The following NCKAP5 variants were observed in gnomAD, a reference collection of about 807,000 sequenced individuals.
The protein encoded by NCKAP5 is nck-associated protein 5.
A neutral mutation model predicts 167.0 loss-of-function variants in NCKAP5; 92 were observed. That is an observed-to-expected ratio of 0.55 (90% CI 0.47 to 0.66). The LOEUF (loss-of-function observed/expected upper bound fraction) is 0.66. Among genes scored for constraint, NCKAP5 ranks in the 30% least tolerant of loss-of-function variants. NCKAP5 has a pLI of 0.00. For missense variants in NCKAP5, 2,378 were observed against 2,315.0 expected, an observed-to-expected ratio of 1.03 and a Z score of -0.56; for synonymous variants, 891 against 877.4, an observed-to-expected ratio of 1.02 and a Z score of -0.27.
chr2:133,488,885 C>T (rs1681169651), intron 3 of NCKAP5, among the ~76,000 whole-genome samples: 3 of 152,058 alleles, frequency 2.0e-5, no homozygotes, highest in Admixed American at 2.0e-4. Flanking sequence ...CACTGCACTC[C>T]AGTGGGTGAC....
At chr2:133,150,465 G>T (rs1379534158) in intron 5 of NCKAP5, among the ~76,000 whole-genome samples, 1 of 152,142 alleles carries the variant, frequency 6.6e-6, no homozygotes, top group Non-Finnish European at 1.5e-5. Context: ...ATTTCTAACT[G>T]AGTTGGGGCT....
intron 8 of NCKAP5, among the ~76,000 whole-genome samples, chr2:132,916,237 T>C (rs1229652412): frequency 6.6e-6 from 1 of 152,018 alleles, no homozygotes; most frequent in South Asian, 2.1e-4. Context: ...TATTGTGCCT[T>C]GGGTTAAGAA....
chr2:133,516,124 GCC>G (rs1683970855), intron 3 of NCKAP5, among the ~76,000 whole-genome samples: 1 of 152,164 alleles, frequency 6.6e-6, no homozygotes, highest in Non-Finnish European at 1.5e-5. Context: ...TCTGTCCTTA[GCC>G]TAGGCCTAAG....
At chr2:133,148,171 G>C (rs2083266527) in intron 5 of NCKAP5, among the ~76,000 whole-genome samples, 1 of 152,084 alleles carries the variant, frequency 6.6e-6, no homozygotes, top group African/African-American at 2.4e-5. Flanking sequence ...GGAGTTTACA[G>C]AGAAGCCTCA....
chr2:133,526,394 A>C lies in NCKAP5; in HGVS notation c.-61-8807T>G, dbSNP rs557649818. On this transcript the variant is annotated intron_variant, in intron 2 of 19. Transcript: ENST00000409261. ...CCTAAAATGTAAGAGAGGGAGATTT[A>C]TATATTGATTAGTAAAATGCAAGAT... Among the ~76,000 whole-genome samples, 24 of 152,228 alleles carry C rather than the reference A, an allele frequency of 1.6e-4. No individual in the cohort carries two copies. The East Asian group carries it at 4.6e-3, about 29-fold the overall frequency.
At chr2:133,459,703 T>C (rs887768882) in intron 3 of NCKAP5, among the ~76,000 whole-genome samples, 1 of 152,192 alleles carries the variant, frequency 6.6e-6, no homozygotes, top group Non-Finnish European at 1.5e-5. Context: ...TATTGAGGTA[T>C]ACTAATCATT....
intron 3 of NCKAP5, among the ~76,000 whole-genome samples, chr2:133,454,624 C>A (rs1320525919): frequency 6.6e-6 from 1 of 152,024 alleles, no homozygotes; most frequent in Non-Finnish European, 1.5e-5. Context: ...TTTGACATGG[C>A]TGAGATTTTA....
At chr2:133,397,943 G>A (rs1687837157) in intron 3 of NCKAP5, among the ~76,000 whole-genome samples, 1 of 152,144 alleles carries the variant, frequency 6.6e-6, no homozygotes, top group African/African-American at 2.4e-5. Context: ...GTGAGAGATT[G>A]GTTTGGGGAG....
Position 132,808,091 on chromosome 2 carries a change from C to T in NCKAP5, c.808-11362G>A, listed in dbSNP as rs549934461. 1.6e-4 allele frequency among the ~76,000 whole-genome samples: 24 copies of T among 152,102 alleles called. No homozygotes were observed. In the Middle Eastern group the frequency reaches 0.014, roughly 86 times the overall value. ...TTGTGTAGGTTAAACCATCCCTGCA[C>T]TCCTGGTATGAAACCCACTTGATCA... On this transcript the variant is annotated intron_variant, in intron 11 of 19. Transcript: ENST00000409261.
intron 3 of NCKAP5, among the ~76,000 whole-genome samples, chr2:133,510,320 C>T (rs1415153390): frequency 6.6e-6 from 1 of 152,168 alleles, no homozygotes; most frequent in Non-Finnish European, 1.5e-5. Flanking sequence ...CCACCTTGTA[C>T]ATGAACACGC....
chr2:132,700,930 C>G (rs113199166), intron 19 of NCKAP5, among the ~76,000 whole-genome samples: 1,416 of 112,498 alleles, frequency 0.013, 9 homozygotes, highest in African/African-American at 0.034. Context: ...ATCCCCTGGG[C>G]GGGGGGGGGG....
intron 11 of NCKAP5, among the ~76,000 whole-genome samples, chr2:132,850,897 G>A (rs543993775): frequency 2.5e-3 from 387 of 152,148 alleles, no homozygotes; most frequent in Non-Finnish European, 4.2e-3. Context: ...CCTTTCTCCG[G>A]TCACCAGTGA....
chr2:133,607,375 C>T, the NCKAP5 span, among the ~76,000 whole-genome samples: 2 of 152,284 alleles, frequency 1.3e-5, no homozygotes, highest in East Asian at 1.9e-4. Flanking sequence ...GATGGAATAA[C>T]ATTGCATTTC....
chr2:132,927,315 C>G (rs576984136), intron 8 of NCKAP5, among the ~76,000 whole-genome samples: 1 of 151,920 alleles, frequency 6.6e-6, no homozygotes, highest in Non-Finnish European at 1.5e-5. Context: ...TCTAACTTTG[C>G]TCTTTTTGCT....
chr2:133,249,453 C>A (rs369121071), intron 4 of NCKAP5, among the ~76,000 whole-genome samples: 1 of 152,178 alleles, frequency 6.6e-6, no homozygotes, highest in South Asian at 2.1e-4. Context: ...GATTTTAGCA[C>A]TTTTGACCCC....
chr2:132,674,529 C>T (rs192395544), intron 19 of NCKAP5, among the ~76,000 whole-genome samples: 74 of 152,296 alleles, frequency 4.9e-4, no homozygotes, highest in Non-Finnish European at 5.0e-4. Flanking sequence ...CTTGCCAAAC[C>T]GTCTCTAACA....
chr2:133,409,380 C>A (rs1367278162), intron 3 of NCKAP5, among the ~76,000 whole-genome samples: 1 of 152,174 alleles, frequency 6.6e-6, no homozygotes, highest in East Asian at 1.9e-4. Flanking sequence ...CAGGATTGTA[C>A]CCTTTTTGTA....
chr2:133,594,114 G>A, the NCKAP5 span, among the ~76,000 whole-genome samples: 1 of 152,214 alleles, frequency 6.6e-6, no homozygotes, highest in East Asian at 1.9e-4. Context: ...CCATCACTTT[G>A]TGTGGAGCCC....
chr2:133,322,163 A>C (rs536140558), intron 3 of NCKAP5, among the ~76,000 whole-genome samples: 3 of 152,318 alleles, frequency 2.0e-5, no homozygotes, highest in Admixed American at 6.5e-5. Flanking sequence ...GATTTTATTA[A>C]TAGGCATAGT....
Sources: gnomAD v4.1 joint callset for allele counts (sites outside exome capture counted in the v4.1 genomes callset) on GRCh38, gnomAD v4.1.1 for gene constraint, MANE v1.5 for transcripts, NCBI Gene and HGNC (gene_info 2026-07-23, HGNC 2026-07-21) for gene names.